The following ERBB4 variants were observed in gnomAD, a reference collection of about 807,000 sequenced individuals.
ERBB4 encodes receptor tyrosine-protein kinase erbB-4.
In ERBB4, 42 loss-of-function variants were observed where a neutral mutation model predicts 158.0. The observed-to-expected ratio is 0.27, with a 90% confidence interval of 0.21 to 0.34. ERBB4 has a LOEUF of 0.34. Among genes scored for constraint, ERBB4 ranks in the 10% least tolerant of loss-of-function variants. The pLI is 1.00. For missense variants in ERBB4, 1,333 were observed against 1,624.1 expected, an observed-to-expected ratio of 0.82 and a Z score of 3.08; for synonymous variants, 583 against 558.7, an observed-to-expected ratio of 1.04 and a Z score of -0.61.
At chr2:212,453,642 G>A (rs1206076122) in intron 1 of ERBB4, among the ~76,000 whole-genome samples, 1 of 152,000 alleles carries the variant, frequency 6.6e-6, no homozygotes, top group Admixed American at 6.5e-5. Context: ...GCTTTTTAAT[G>A]TTTCCATATG....
chr2:212,122,776 A>G (rs975251995), intron 2 of ERBB4, among the ~76,000 whole-genome samples: 2 of 151,732 alleles, frequency 1.3e-5, no homozygotes, highest in African/African-American at 4.8e-5. Flanking sequence ...AAGAATTATT[A>G]TAAAATATAT....
At chr2:211,740,455 T>C (rs1371116542) in intron 5 of ERBB4, among the ~76,000 whole-genome samples, 3 of 152,012 alleles carry the variant, frequency 2.0e-5, no homozygotes, top group East Asian at 3.8e-4. Context: ...GTCTGATATT[T>C]AGTGAACTCA....
At chr2:211,384,406 A>G (rs1161967426) in intron 27 of ERBB4, among the ~76,000 whole-genome samples, 4 of 152,282 alleles carry the variant, frequency 2.6e-5, no homozygotes, top group African/African-American at 7.2e-5. Context: ...AAATAAGACT[A>G]CCTATTAGGA....
intron 1 of ERBB4, among the ~76,000 whole-genome samples, chr2:212,411,168 T>TA (rs957742075): frequency 6.6e-6 from 1 of 152,088 alleles, no homozygotes; most frequent in Non-Finnish European, 1.5e-5. Flanking sequence ...ATTTATATTT[T>TA]AAAAATAAAT....
At chr2:211,861,016 T>A (rs13422979) in intron 3 of ERBB4, among the ~76,000 whole-genome samples, 1,605 of 12,112 alleles carry the variant, frequency 0.13, 88 homozygotes, top group East Asian at 0.23. Flanking sequence ...ATTTATATAT[T>A]TATATATATA....
chr2:211,805,704 A>G (rs984210521), intron 3 of ERBB4, among the ~76,000 whole-genome samples: 6 of 152,164 alleles, frequency 3.9e-5, no homozygotes, highest in African/African-American at 1.4e-4. Context: ...ATGAACAACA[A>G]GGGTGGAACC....
intron 2 of ERBB4, among the ~76,000 whole-genome samples, chr2:212,004,819 T>C (rs1559298179): frequency 1.3e-5 from 2 of 151,948 alleles, no homozygotes. Context: ...CTAACTTACA[T>C]ATATATATTG....
At chr2:212,497,861 T>C (rs1690665383) in intron 1 of ERBB4, among the ~76,000 whole-genome samples, 1 of 152,154 alleles carries the variant, frequency 6.6e-6, no homozygotes, top group Non-Finnish European at 1.5e-5. Flanking sequence ...AGAGTAAAAA[T>C]TGAATAAGTT....
At chr2:212,205,049 C>T (rs1488935202) in intron 1 of ERBB4, among the ~76,000 whole-genome samples, 2 of 151,710 alleles carry the variant, frequency 1.3e-5, no homozygotes, top group African/African-American at 4.8e-5. Flanking sequence ...AACTCTGGAC[C>T]TCAGGTGATC....
intron 20 of ERBB4, among the ~76,000 whole-genome samples, chr2:211,439,045 T>C (rs560606426): frequency 2.6e-5 from 4 of 152,108 alleles, no homozygotes; most frequent in African/African-American, 9.6e-5. Context: ...CACACTTGCA[T>C]GTAGGAGATG....
At chr2:212,343,804 T>C (rs964676760) in intron 1 of ERBB4, among the ~76,000 whole-genome samples, 1 of 152,222 alleles carries the variant, frequency 6.6e-6, no homozygotes, top group African/African-American at 2.4e-5. Context: ...AATTTAATTT[T>C]ATGTGTTAAT....
chr2:211,825,871 C>T (rs1290706042), intron 3 of ERBB4, among the ~76,000 whole-genome samples: 3 of 146,576 alleles, frequency 2.0e-5, no homozygotes, highest in Non-Finnish European at 3.0e-5. Context: ...TATTAATCTA[C>T]AATATAGATT....
In ERBB4 at chr2:211,531,784, A is replaced by T. The variant is rs2066506229; in HGVS notation, c.2487+30119T>A. ...CAAAAAACTAAAAATGGGGTGCCAT[A>T]TGATCTAGTCATCCCACTCCTAGAT... is the stretch of plus-strand genomic sequence containing the variant. On this transcript the variant is annotated intron_variant, in intron 20 of 27. Coordinates refer to ENST00000342788, the MANE Select transcript of ERBB4 (RefSeq NM_005235.3). Among the ~76,000 whole-genome samples the T allele has an allele frequency of 5.3e-5, 8 of 152,236 alleles. No individual in the cohort carries two copies. In the South Asian group the frequency reaches 1.7e-3, roughly 32 times the overall value.
chr2:212,411,275 A>T (rs1459463788), intron 1 of ERBB4, among the ~76,000 whole-genome samples: 1 of 152,144 alleles, frequency 6.6e-6, no homozygotes, highest in African/African-American at 2.4e-5. Flanking sequence ...GGCTACAAGC[A>T]GTCCTTAAAT....
At chr2:211,652,127 A>G (rs2071010248) in intron 16 of ERBB4, among the ~76,000 whole-genome samples, 1 of 152,302 alleles carries the variant, frequency 6.6e-6, no homozygotes, top group Admixed American at 6.5e-5. Context: ...CTTCTGTTAA[A>G]GTAACCACTT....
chr2:211,848,373 T>C (rs1289835891), intron 3 of ERBB4, among the ~76,000 whole-genome samples: 1 of 152,046 alleles, frequency 6.6e-6, no homozygotes, highest in Non-Finnish European at 1.5e-5. Context: ...GACTTCTTTA[T>C]ATGGAAATTG....
At chr2:212,262,984 C>G (rs899006339) in intron 1 of ERBB4, among the ~76,000 whole-genome samples, 6 of 151,958 alleles carry the variant, frequency 3.9e-5, no homozygotes, top group African/African-American at 1.5e-4. Flanking sequence ...GGAATAAGGT[C>G]AATTTGCAGA....
At chr2:212,040,815 T>A (rs2077124367) in intron 2 of ERBB4, among the ~76,000 whole-genome samples, 1 of 152,056 alleles carries the variant, frequency 6.6e-6, no homozygotes. Flanking sequence ...TTCACTGCCG[T>A]GAGATTGATT....
At chr2:211,499,377 G>A (rs973384969) in intron 20 of ERBB4, among the ~76,000 whole-genome samples, 1 of 151,934 alleles carries the variant, frequency 6.6e-6, no homozygotes, top group Non-Finnish European at 1.5e-5. Context: ...CAAAAAATTA[G>A]CTGGGTGTGG....
Sources: gnomAD v4.1 joint callset for allele counts (sites outside exome capture counted in the v4.1 genomes callset) on GRCh38, gnomAD v4.1.1 for gene constraint, MANE v1.5 for transcripts, NCBI Gene and HGNC (gene_info 2026-07-23, HGNC 2026-07-21) for gene names.